TMPRSS9: variants seen among roughly 807,000 people sequenced by gnomAD.
The protein encoded by TMPRSS9 is transmembrane serine protease 9.
TMPRSS9 carries 113 observed loss-of-function variants against 111.4 expected under a neutral mutation model. The ratio of observed to expected loss-of-function variants is 1.01; its 90% CI spans 0.87 to 1.19. The LOEUF (loss-of-function observed/expected upper bound fraction) is 1.19, where lower values mean the gene tolerates loss of function less well. Ranked by LOEUF, TMPRSS9 falls within the 50% of genes most tolerant of loss-of-function variation. The probability of loss-of-function intolerance (pLI) is 0.00; values close to 1 mark genes in which losing one functional copy is unlikely to be tolerated. For synonymous variants in TMPRSS9, 805 were observed against 659.1 expected (o/e 1.22, Z -3.39); for missense variants, 1,803 against 1,513.1 (o/e 1.19, Z -3.18).
intron 15 of TMPRSS9, among the ~76,000 whole-genome samples, chr19:2,424,534 G>C (rs967460017): frequency 4.5e-5 from 6 of 134,182 alleles, no homozygotes; most frequent in East Asian, 2.0e-4. Context: ...GGAAGCTGCG[G>C]CCCCCCCCCT....
exon 14 of TMPRSS9, chr19:2,422,081 T>A: frequency 6.2e-7 from 1 of 1,609,142 alleles, no homozygotes; most frequent in Non-Finnish European, 8.5e-7. Context: ...GGACGACAGC[T>A]GGCCTCACAG....
chr19:2,383,872 G>C (rs1970418595), intron 1 of TMPRSS9, among the ~76,000 whole-genome samples: 3 of 151,958 alleles, frequency 2.0e-5, no homozygotes, highest in Non-Finnish European at 2.9e-5. Context: ...GAAACAGCTA[G>C]AATAATGTTT....
Position 2,396,536 on chromosome 19 carries a change from C to T in TMPRSS9, c.143-3C>T, listed in dbSNP as rs1470908002. On this transcript the variant is annotated splice_region_variant and splice_polypyrimidine_tract_variant and intron_variant, in intron 1 of 17. Coordinates refer to ENST00000648592, the Ensembl canonical transcript of TMPRSS9. Reference sequence around the variant, plus strand: ...CTCTCACGGGCCCTGGTCTCGTCCCCAGCCTTCCTCTCTACACAGGGCTTC... The same window carrying T: ...CTCTCACGGGCCCTGGTCTCGTCCCTAGCCTTCCTCTCTACACAGGGCTTC... 1 of 1,600,334 alleles carries T rather than the reference C, an allele frequency of 6.2e-7. No individual in the cohort carries two copies. The highest frequency in any genetic ancestry group is 1.7e-5 in the Admixed American group (1 of 58,388).
At chr19:2,404,612 C>G (rs960802965) in intron 6 of TMPRSS9, among the ~76,000 whole-genome samples, 5 of 151,532 alleles carry the variant, frequency 3.3e-5, no homozygotes, top group African/African-American at 4.8e-5. Context: ...GAAAAAATAT[C>G]TTTCATGATC....
chr19:2,419,265 G>A (rs1465752850), intron 13 of TMPRSS9, among the ~76,000 whole-genome samples: 8 of 149,264 alleles, frequency 5.4e-5, no homozygotes, highest in Non-Finnish European at 1.2e-4. Context: ...GTGCAGTGGT[G>A]CGATCTTGGC....
At chr19:2,418,117 A>C (rs997385754) in exon 13 of TMPRSS9, 1 of 1,612,052 alleles carries the variant, frequency 6.2e-7, no homozygotes, top group African/African-American at 1.3e-5. Flanking sequence ...GCTTCCTGGA[A>C]GGCAAAGTCG....
chr19:2,400,949 C>G (rs939540540), intron 4 of TMPRSS9, among the ~76,000 whole-genome samples: 1 of 137,810 alleles, frequency 7.3e-6, no homozygotes, highest in Non-Finnish European at 1.5e-5. Flanking sequence ...GCACTGTAGC[C>G]TGGGTAACAG....
chr19:2,419,522 CT>C (rs796669347), intron 13 of TMPRSS9, among the ~76,000 whole-genome samples: 197 of 131,202 alleles, frequency 1.5e-3, no homozygotes, highest in Middle Eastern at 0.011. Flanking sequence ...TTTCTTTTTC[CT>C]TTTTTTTTTT....
In TMPRSS9 at chr19:2,394,116, T is replaced by C. The variant is rs572780909; in HGVS notation, c.143-2423T>C. 1.8e-4 allele frequency among the ~76,000 whole-genome samples: 28 copies of C among 152,142 alleles called. 1 individual carries two copies. The South Asian group carries it at 2.7e-3, about 15-fold the overall frequency. On this transcript the variant is annotated intron_variant, in intron 1 of 17. Coordinates refer to ENST00000648592, the Ensembl canonical transcript of TMPRSS9. Reference sequence around the variant, plus strand: ...TACTCGGGAAGCTAAGGCAAGGGAATCGCTTGGACCCAGGAGGCAGAGGTT... The same window carrying C: ...TACTCGGGAAGCTAAGGCAAGGGAACCGCTTGGACCCAGGAGGCAGAGGTT...
chr19:2,405,861 A>G (rs1433594661), intron 7 of TMPRSS9, among the ~76,000 whole-genome samples: 2 of 148,548 alleles, frequency 1.3e-5, no homozygotes, highest in Non-Finnish European at 3.0e-5. Flanking sequence ...GCCCGCCACC[A>G]CGCCTGTTGT....
In TMPRSS9 at chr19:2,404,857, G is replaced by A. The variant is rs142187567; in HGVS notation, c.671-517G>A. 4.0e-3 allele frequency among the ~76,000 whole-genome samples: 610 copies of A among 151,114 alleles called. 7 individuals carry two copies. The Middle Eastern group carries it at 0.042, about 10-fold the overall frequency. On this transcript the variant is annotated intron_variant, in intron 6 of 17. Coordinates refer to ENST00000648592, the Ensembl canonical transcript of TMPRSS9. ...TGAGGTAGGAGAATCCCTTGAACCC[G>A]GGAGGCAGAGCTTGCAGTGAGTTGA... is the stretch of plus-strand genomic sequence containing the variant.
intron 7 of TMPRSS9, among the ~76,000 whole-genome samples, chr19:2,407,301 C>T (rs973871562): frequency 1.3e-5 from 2 of 151,562 alleles, no homozygotes; most frequent in Non-Finnish European, 2.9e-5. Flanking sequence ...GTGGGGGGAT[C>T]ACTTGAGGTC....
At position 2,418,444 on chromosome 19, in the gene TMPRSS9, C is replaced by T. The variant is rs373257163; in HGVS notation, c.2154+306C>T. Reference sequence around the variant, plus strand: ...CTCCCTCCCTTTCCTTCCCTCCCTCCCCTTCCCTCCCTCCCTTTCCTTCCC... The same window carrying T: ...CTCCCTCCCTTTCCTTCCCTCCCTCTCCTTCCCTCCCTCCCTTTCCTTCCC... On this transcript the variant is annotated intron_variant, in intron 13 of 17. Transcript: ENST00000648592. Among the ~76,000 whole-genome samples the T allele has an allele frequency of 1.5e-4, 3 of 20,538 alleles. 1 individual carries two copies. The highest frequency in any genetic ancestry group is 8.1e-4 in the African/African-American group (2 of 2,480). 13.5% of individuals were successfully genotyped at this position (20,538 alleles called of 152,430 possible). A position where few individuals can be genotyped will look rare whatever the true frequency, so the allele number is the denominator to read the frequency against.
rs1845811606 is a variant in TMPRSS9 at position 2,364,416 on chromosome 19, T to C, written c.-26+4056T>C. On this transcript the variant is annotated intron_variant, in intron 1 of 17. Transcript: ENST00000649857. Reference sequence around the variant, plus strand: ...TCATAACTGCATAAGGCTTCCTTTGTTGTTGTTGTTTTGCAGAGATGGGAT... The same window carrying C: ...TCATAACTGCATAAGGCTTCCTTTGCTGTTGTTGTTTTGCAGAGATGGGAT... Among the ~76,000 whole-genome samples, 3 of 152,016 alleles carry C rather than the reference T, an allele frequency of 2.0e-5. No individual in the cohort carries two copies. The South Asian group carries it at 6.2e-4, about 32-fold the overall frequency.
upstream of TMPRSS9, among the ~76,000 whole-genome samples, chr19:2,386,953 C>T (rs1008885109): frequency 2.6e-5 from 4 of 151,954 alleles, no homozygotes; most frequent in African/African-American, 9.7e-5. Flanking sequence ...CGCCACTGCA[C>T]AGTGCACCTG....
At chr19:2,405,440 G>T in exon 7 of TMPRSS9, 2 of 1,608,314 alleles carry the variant, frequency 1.2e-6, no homozygotes, top group South Asian at 1.1e-5. Flanking sequence ...GCATCCCCGG[G>T]GGAGTTTCCG....
At chr19:2,413,561 TC>T in intron 9 of TMPRSS9, 138 bp from the exon 11 acceptor site, 1 of 928,346 alleles carries the variant, frequency 1.1e-6, no homozygotes. Context: ...ATGTCAATGA[TC>T]AGCCCCAGGT....
intron 1 of TMPRSS9, among the ~76,000 whole-genome samples, chr19:2,362,996 C>T (rs894837662): frequency 6.6e-6 from 1 of 152,090 alleles, no homozygotes; most frequent in African/African-American, 2.4e-5. Context: ...TCCTAGTCTT[C>T]TCATCTGGGG....
chr19:2,413,677 G>A, intron 9 of TMPRSS9, 23 bp from the exon 11 acceptor site: 1 of 1,586,408 alleles, frequency 6.3e-7, no homozygotes, highest in African/African-American at 1.3e-5. Context: ...GACCCATCCT[G>A]AGGGTGTGTG....
Sources: gnomAD v4.1 joint callset for allele counts (sites outside exome capture counted in the v4.1 genomes callset) on GRCh38, gnomAD v4.1.1 for gene constraint, MANE v1.5 for transcripts, NCBI Gene and HGNC (gene_info 2026-07-23, HGNC 2026-07-21) for gene names.